Variants in ATXN10 observed in about 807,000 individuals in gnomAD.
ATXN10 encodes ataxin 10, also known as ataxin-10.
A neutral mutation model predicts 52.9 loss-of-function variants in ATXN10; 28 were observed. The ratio of observed to expected loss-of-function variants is 0.53; its 90% CI spans 0.39 to 0.73. The LOEUF (loss-of-function observed/expected upper bound fraction) is 0.73, where lower values mean the gene tolerates loss of function less well. Among genes scored for constraint, ATXN10 ranks in the 30% least tolerant of loss-of-function variants. The probability of loss-of-function intolerance (pLI) is 0.00; values close to 1 mark genes in which losing one functional copy is unlikely to be tolerated. For missense variants in ATXN10, 565 were observed against 577.0 expected (o/e 0.98, Z 0.21); for synonymous variants, 226 against 221.5 (o/e 1.02, Z -0.18).
Position 45,726,672 on chromosome 22 carries a change from C to T in ATXN10, c.729-2753C>T, listed in dbSNP as rs189713906. On this transcript the variant is annotated intron_variant, in intron 6 of 11. Coordinates refer to ENST00000252934, the MANE Select transcript of ATXN10 (RefSeq NM_013236.4). ...TGCTCTGATCTTTGTTATTTCTTTT[C>T]TTTTGCTAGCTTTGGGTTTGGCTTG... 1.9e-3 allele frequency among the ~76,000 whole-genome samples: 293 copies of T among 152,048 alleles called. 2 individuals are homozygous for T. In the Middle Eastern group the frequency reaches 0.024, roughly 12 times the overall value.
rs139866383 is a variant in ATXN10, at chr22:45,781,570, A to C, written c.1174-25389A>C. 5.3e-3 allele frequency among the ~76,000 whole-genome samples: 801 copies of C among 152,348 alleles called. 7 individuals carry two copies. The highest frequency in any genetic ancestry group is 8.4e-3 in the Non-Finnish European group (572 of 68,034). The stretch of plus-strand genomic sequence containing the variant: ...CCAAATGTTTAGAGTACAATTTAAA[A>C]TCATGGGTTACACTAAGGACCAGGA... On this transcript the variant is annotated intron_variant, in intron 9 of 11. Transcript: ENST00000252934. The surrounding 1 kb of genome is among the most constrained non-coding windows in gnomAD (Gnocchi z 4.2).
rs1447725966 is a variant in ATXN10, at chr22:45,705,497, G to A, written c.647+2650G>A. Among the ~76,000 whole-genome samples, 1 of 151,762 alleles carries A rather than the reference G, an allele frequency of 6.6e-6. No individual in the cohort carries two copies. Among genetic ancestry groups the A allele is most frequent in the Non-Finnish European group, 1.5e-5 (1 of 67,932 alleles). On this transcript the variant is annotated intron_variant, in intron 5 of 11. Coordinates refer to ENST00000252934, the MANE Select transcript of ATXN10 (RefSeq NM_013236.4). This position sits in a 1 kb window ranked among gnomAD's most constrained non-coding sequence, Gnocchi z 5.2. The stretch of plus-strand genomic sequence containing the variant: ...TGCCCAGGCTGGAGTGCAGTGGTGC[G>A]ATCTCGGCTCACTGCAACCTCCGCC...
rs1382714161 is a variant in ATXN10 at position 45,818,133 on chromosome 22, T to C, written c.1237+11111T>C. 6.6e-6 allele frequency among the ~76,000 whole-genome samples: 1 copy of C among 152,230 alleles called. No homozygotes were observed. Among genetic ancestry groups the C allele is most frequent in the Non-Finnish European group, 1.5e-5 (1 of 68,042 alleles). On this transcript the variant is annotated intron_variant, in intron 10 of 11. Transcript: ENST00000252934. This position sits in a 1 kb window ranked among gnomAD's most constrained non-coding sequence, Gnocchi z 4.6. ...ATTCCAAGTTGTGCTCCTTCAGGTT[T>C]TGTCTACTCAGCTTTTGGTTTTGTG...
In ATXN10 at chr22:45,815,797, G is replaced by A. The variant is rs146864737; in HGVS notation, c.1237+8775G>A. ...CCAAGGCTTTGGTCCTAATTCAGAC[G>A]TTTAAACTCCACACAGGTCCTTCAT... On this transcript the variant is annotated intron_variant, in intron 10 of 11. Coordinates refer to ENST00000252934, the MANE Select transcript of ATXN10 (RefSeq NM_013236.4). Among the ~76,000 whole-genome samples, 360 of 152,278 alleles carry A rather than the reference G, an allele frequency of 2.4e-3. 6 individuals carry two copies. Among genetic ancestry groups the A allele is most frequent in the East Asian group, 2.5e-3 (13 of 5,184 alleles).
rs528128969 is a variant in ATXN10 at position 45,759,234 on chromosome 22, G to A, written c.1173+18696G>A. Among the ~76,000 whole-genome samples, 110 of 152,304 alleles carry A rather than the reference G, an allele frequency of 7.2e-4. No homozygotes were observed. Among genetic ancestry groups the A allele is most frequent in the African/African-American group, 2.4e-3 (99 of 41,570 alleles). ...TAAATAGTAAAAGATTCTAGAGTCC[G>A]GGCATGGTGGTTCACACCTGTAATC... is the stretch of plus-strand genomic sequence containing the variant. On this transcript the variant is annotated intron_variant, in intron 9 of 11. Transcript: ENST00000252934. The surrounding 1 kb of genome is among the most constrained non-coding windows in gnomAD (Gnocchi z 5.4).
chr22:45,711,547 C>T (rs1045058386), intron 5 of ATXN10, among the ~76,000 whole-genome samples: 1 of 152,076 alleles, frequency 6.6e-6, no homozygotes, highest in African/African-American at 2.4e-5. Flanking sequence ...GAGTAAGATC[C>T]GCACATCGTG....
chr22:45,788,095 A>G (rs1202571531), intron 9 of ATXN10, among the ~76,000 whole-genome samples: 1 of 152,166 alleles, frequency 6.6e-6, no homozygotes, highest in African/African-American at 2.4e-5. Context: ...GGAGATTTCC[A>G]GTGCCCAAGA....
rs1924951945 is a variant in ATXN10 at position 45,728,143 on chromosome 22, C to G, written c.729-1282C>G. ...TCCCAGCCATCATGTTGATTGTTAC[C>G]TGGATATTTTGTGTTCTCCATTGTG... On this transcript the variant is annotated intron_variant, in intron 6 of 11. Coordinates refer to ENST00000252934, the MANE Select transcript of ATXN10 (RefSeq NM_013236.4). This position sits in a 1 kb window ranked among gnomAD's most constrained non-coding sequence, Gnocchi z 4.3. Among the ~76,000 whole-genome samples, 1 of 151,910 alleles carries G rather than the reference C, an allele frequency of 6.6e-6. No homozygotes were observed. The highest frequency in any genetic ancestry group is 6.6e-5 in the Admixed American group (1 of 15,246).
intron 3 of ATXN10, among the ~76,000 whole-genome samples, chr22:45,694,797 C>G (rs992308349): frequency 3.6e-4 from 52 of 146,062 alleles, no homozygotes; most frequent in African/African-American, 1.2e-3. Flanking sequence ...AAAAAAAGAA[C>G]CGGGCATGGT....
intron 10 of ATXN10, among the ~76,000 whole-genome samples, chr22:45,812,320 A>G (rs1470155726): frequency 6.6e-6 from 1 of 152,238 alleles, no homozygotes; most frequent in Non-Finnish European, 1.5e-5. Flanking sequence ...TTTCACCTCA[A>G]TATAAATATA....
intron 9 of ATXN10, among the ~76,000 whole-genome samples, chr22:45,743,372 T>C (rs960672811): frequency 6.6e-6 from 1 of 152,246 alleles, no homozygotes; most frequent in Admixed American, 6.5e-5. Context: ...GAGTGTTCTT[T>C]ATTCTTGTAG....
chr22:45,730,432 GTTGT>G (rs1353537226), intron 7 of ATXN10, among the ~76,000 whole-genome samples: 6 of 151,832 alleles, frequency 4.0e-5, no homozygotes, highest in African/African-American at 7.3e-5. Flanking sequence ...GGACATTTAG[GTTGT>G]TTGTTTGTTT....
chr22:45,813,455 CT>C (rs3884890), intron 10 of ATXN10, among the ~76,000 whole-genome samples: 28 of 134,596 alleles, frequency 2.1e-4, no homozygotes, highest in East Asian at 6.4e-4. Flanking sequence ...TTCTTCATTT[CT>C]TTTTTTTTTT....
chr22:45,729,633 A>T (rs745873539), intron 7 of ATXN10, 43 bp downstream of exon 7: 10 of 1,602,698 alleles, frequency 6.2e-6, no homozygotes, highest in Non-Finnish European at 7.7e-6. Context: ...AAGAGAATGG[A>T]CAGATTTTCT....
At chr22:45,801,846 C>T (rs1425848801) in intron 9 of ATXN10, among the ~76,000 whole-genome samples, 1 of 152,214 alleles carries the variant, frequency 6.6e-6, no homozygotes. Flanking sequence ...TTCCTGTGGT[C>T]TCATGATGTG....
chr22:45,687,724 G>C (rs190997439), intron 1 of ATXN10, among the ~76,000 whole-genome samples: 7 of 152,288 alleles, frequency 4.6e-5, no homozygotes, highest in Admixed American at 3.9e-4. Flanking sequence ...TAGCTGATGA[G>C]TGTCTACAAT....
chr22:45,700,260 T>C (rs1923788393), intron 3 of ATXN10, 22 bp from the exon 4 acceptor site: 2 of 1,464,492 alleles, frequency 1.4e-6, no homozygotes, highest in South Asian at 2.4e-5. Context: ...TTTATTTATT[T>C]ATAACTTTTA....
At position 45,774,758 on chromosome 22, in the gene ATXN10, C is replaced by A. The variant is rs560285624; in HGVS notation, c.1174-32201C>A. 3.3e-5 allele frequency among the ~76,000 whole-genome samples: 5 copies of A among 152,266 alleles called. No homozygotes were observed. The highest frequency in any genetic ancestry group is 2.1e-4 in the South Asian group (1 of 4,828). ...GACCAGCCTGACCACCATGGTGAAA[C>A]CCTGTCTCTACTAAAAATACAAAAA... On this transcript the variant is annotated intron_variant, in intron 9 of 11. Transcript: ENST00000252934. This position sits in a 1 kb window ranked among gnomAD's most constrained non-coding sequence, Gnocchi z 6.2.
chr22:45,804,682 A>G (rs971771508), intron 9 of ATXN10, among the ~76,000 whole-genome samples: 1 of 152,220 alleles, frequency 6.6e-6, no homozygotes, highest in Non-Finnish European at 1.5e-5. Flanking sequence ...TTTATATTTC[A>G]TTAGATTAAT....
Sources: allele counts gnomAD v4.1 joint callset (sites outside exome capture counted in the v4.1 genomes callset), GRCh38; gene constraint gnomAD v4.1.1; non-coding constraint Gnocchi (gnomAD v3.1); transcripts MANE v1.5; gene names NCBI Gene and HGNC (gene_info 2026-07-23, HGNC 2026-07-21).